LYST: variants seen among roughly 807,000 people sequenced by gnomAD.
The protein encoded by LYST is lysosomal trafficking regulator, also known as lysosomal-trafficking regulator.
A neutral mutation model predicts 413.6 loss-of-function variants in LYST; 192 were observed. That is an observed-to-expected ratio of 0.46 (90% confidence interval 0.41 to 0.52). The LOEUF (loss-of-function observed/expected upper bound fraction) is 0.52. LYST is among the 20% of genes least tolerant of loss of function. LYST has a pLI of 0.00. For missense variants in LYST, 3,815 were observed against 4,499.9 expected, an observed-to-expected ratio of 0.85 and a Z score of 4.35; for synonymous variants, 1,525 against 1,567.3, an observed-to-expected ratio of 0.97 and a Z score of 0.64.
At position 235,664,583 on chromosome 1, in the gene LYST, C is replaced by T. The variant is rs1333040453; in HGVS notation, c.11077G>A (p.Gly3693Arg). 8.7e-6 allele frequency: 14 copies of T among 1,614,112 alleles called. No individual in the cohort carries two copies. The highest frequency in any genetic ancestry group is 4.5e-5 in the East Asian group (2 of 44,880). The change falls in exon 51 of 53, where the codon GGG (glycine) becomes AGG (arginine). Residue 3693 changes from glycine (G) to arginine (R), a missense_variant. Transcript: ENST00000389793. This position sits in a 1 kb window ranked among gnomAD's most constrained non-coding sequence, Gnocchi z 4.5. The stretch of plus-strand genomic sequence containing the variant: ...CAGTGGACATGTCCAACGAGATCCC[C>T]GTTCACCGTCCAGAGTCTGAGGTCA... ...GSDLRLWTVN[G>R]DLVGHVHCRE...
intron 3 of LYST, among the ~76,000 whole-genome samples, chr1:235,825,337 A>G (rs1675210115): frequency 6.6e-6 from 1 of 152,220 alleles, no homozygotes; most frequent in Non-Finnish European, 1.5e-5. Flanking sequence ...CTTTTGTACT[A>G]GAAGCCAGTG....
At chr1:235,682,640 C>T (rs374130514) in intron 48 of LYST, among the ~76,000 whole-genome samples, 10 of 151,958 alleles carry the variant, frequency 6.6e-5, no homozygotes, top group Non-Finnish European at 1.3e-4. Context: ...GAAATGTAGT[C>T]GGATGAAAGA....
chr1:235,723,626 G>A (rs1037915049), intron 39 of LYST, among the ~76,000 whole-genome samples: 5 of 152,170 alleles, frequency 3.3e-5, no homozygotes, highest in African/African-American at 7.2e-5. Context: ...AGAGGTTACC[G>A]ATGACCCTGA....
rs970053788 is a variant in LYST, at chr1:235,787,289, T to C, written c.4773A>G (p.Lys1591=). Residue 1591 remains lysine (K), a synonymous_variant, in exon 14 of 53, where the codon AAA becomes AAG. Coordinates refer to ENST00000389793, the MANE Select transcript of LYST (RefSeq NM_000081.4). ...ESQENIFLPS[K]WQHLVLTYLQ... ...AGTAGGTGAGTACTAAATGTTGCCA[T>C]TTGCTTGGGAGGAAAATATTCTCCT... The C allele has an allele frequency of 1.9e-6, 3 of 1,613,534 alleles. No individual in the cohort carries two copies. Among genetic ancestry groups the C allele is most frequent in the Non-Finnish European group, 2.5e-6 (3 of 1,179,696 alleles).
At chr1:235,680,034 C>CAA (rs952797365) in intron 48 of LYST, among the ~76,000 whole-genome samples, 1 of 151,514 alleles carries the variant, frequency 6.6e-6, no homozygotes. Context: ...CACACACACA[C>CAA]AACTAAGACT....
chr1:235,729,988 A>AT (rs1306614490), intron 36 of LYST, among the ~76,000 whole-genome samples: 4 of 151,990 alleles, frequency 2.6e-5, no homozygotes, highest in Admixed American at 1.3e-4. Context: ...CTTCAGATAC[A>AT]TTTTTTGTGT....
rs1672862603 is a variant in LYST, at chr1:235,806,590, A to G, written c.2546T>C (p.Leu849Ser). 7 of 1,613,864 alleles carry G rather than the reference A, an allele frequency of 4.3e-6. No individual in the cohort carries two copies. Among genetic ancestry groups the G allele is most frequent in the South Asian group, 1.1e-5 (1 of 91,084 alleles). Residue 849 changes from leucine to serine, a missense_variant, in exon 6 of 53, where the codon TTG (leucine) becomes TCG (serine). Transcript: ENST00000389793. ...AGAAGTACCCACATGTACAGAGGAC[A>G]ACTCCTTCTGTTCAATGTCTATCCC... ...IDGIDIEQKE[L>S]SSVHVGTSFH...
At chr1:235,800,203 G>T in intron 10 of LYST, 117 bp downstream of exon 10, 1 of 708,622 alleles carries the variant, frequency 1.4e-6, no homozygotes, top group African/African-American at 1.8e-5. Flanking sequence ...TGCCACCTCA[G>T]CCTCCCAAAG....
chr1:235,802,685 T>TC (rs1441777428), intron 8 of LYST, among the ~76,000 whole-genome samples: 2 of 152,212 alleles, frequency 1.3e-5, no homozygotes, highest in African/African-American at 4.8e-5. Flanking sequence ...TGTCCTTCAC[T>TC]CCATGTTCTT....
chr1:235,703,542 G>A (rs900066991), intron 44 of LYST, among the ~76,000 whole-genome samples: 3 of 152,048 alleles, frequency 2.0e-5, no homozygotes, highest in Non-Finnish European at 2.9e-5. Context: ...TAAAGCTGGC[G>A]GTCAGTAATT....
rs796496578 is a variant in LYST at position 235,833,671 on chromosome 1, C to CA, written c.-97-5dup. 1,070 of 785,568 alleles carry CA rather than the reference C, an allele frequency of 1.4e-3. No homozygotes were observed. Among genetic ancestry groups the CA allele is most frequent in the Non-Finnish European group, 1.4e-3 (908 of 648,636 alleles). 48.7% of individuals were successfully genotyped at this position (785,568 alleles called of 1,614,324 possible). On this transcript the variant is annotated splice_region_variant and splice_polypyrimidine_tract_variant and intron_variant, in intron 1 of 52. Coordinates refer to ENST00000389793, the MANE Select transcript of LYST (RefSeq NM_000081.4). ...TATTCTTAGAACAAAGCTTCACCTA[C>CA]AAAAAAAAAGACATATTAATCACAA...
At chr1:235,738,567 C>A in intron 31 of LYST, 1 of 1,610,742 alleles carries the variant, frequency 6.2e-7, no homozygotes. Flanking sequence ...TGGGTGAGTC[C>A]TTGGGGAACA....
In LYST at chr1:235,781,803, C is replaced by G. The variant is rs1045213165; in HGVS notation, c.5023+124G>C. 11 of 690,666 alleles carry G rather than the reference C, an allele frequency of 1.6e-5. No individual in the cohort carries two copies. In the African/African-American group the frequency reaches 1.8e-4, roughly 11 times the overall value. 42.8% of individuals were successfully genotyped at this position (690,666 alleles called of 1,614,324 possible). ...AAAGGAACATAGATGGATATTTTAGCCAGGTTAATTTACTTAGTTTAATAT... is the reference window on the plus strand; with the variant it reads ...AAAGGAACATAGATGGATATTTTAGGCAGGTTAATTTACTTAGTTTAATAT... On this transcript the variant is annotated intron_variant, in intron 15 of 52. Transcript: ENST00000389793.
rs1672880606 is a variant in LYST at position 235,806,703 on chromosome 1, A to C, written c.2433T>G (p.Gly811=). Residue 811 remains glycine (G), a synonymous_variant, in exon 6 of 53, where the codon GGT becomes GGG. Coordinates refer to ENST00000389793, the MANE Select transcript of LYST (RefSeq NM_000081.4). The stretch of plus-strand genomic sequence containing the variant: ...ATGCTTTTAGAGAATGACTTCGAAT[A>C]CCATTTAAGCAATTTAATTCGATTA... ...SQIIELNCLN[G]IRSHSLKAFE... 1 of 1,613,250 alleles carries C rather than the reference A, an allele frequency of 6.2e-7. No individual in the cohort carries two copies. The highest frequency in any genetic ancestry group is 8.5e-7 in the Non-Finnish European group (1 of 1,179,220).
At chr1:235,798,605 A>G (rs1366473153) in intron 10 of LYST, among the ~76,000 whole-genome samples, 1 of 140,724 alleles carries the variant, frequency 7.1e-6, no homozygotes, top group African/African-American at 2.7e-5. Context: ...AAAAAAAAAA[A>G]AAAAAAAAAA....
At chr1:235,697,409 A>ATT in intron 45 of LYST, 137 bp from the exon 46 acceptor site, 1 of 641,700 alleles carries the variant, frequency 1.6e-6, no homozygotes. Context: ...TATTTTACGC[A>ATT]TTTTTTTTTA....
At chr1:235,808,344 G>T in intron 5 of LYST, 111 bp downstream of exon 5, 1 of 906,318 alleles carries the variant, frequency 1.1e-6, no homozygotes, top group Non-Finnish European at 1.7e-6. Context: ...AGATATCAGT[G>T]TTAGAAGTTT....
At chr1:235,673,325 T>A (rs1028951191) in intron 50 of LYST, among the ~76,000 whole-genome samples, 3 of 152,138 alleles carry the variant, frequency 2.0e-5, no homozygotes, top group African/African-American at 4.8e-5. Flanking sequence ...TGTTTTGTTA[T>A]ACCCTGCAGG....
chr1:235,719,786 T>C (rs1192700074), intron 40 of LYST, among the ~76,000 whole-genome samples: 1 of 151,818 alleles, frequency 6.6e-6, no homozygotes, highest in African/African-American at 2.4e-5. Context: ...TGGGAAGCAA[T>C]CAGAAAATAC....
Sources: gnomAD v4.1 joint callset for allele counts (sites outside exome capture counted in the v4.1 genomes callset) on GRCh38, gnomAD v4.1.1 for gene constraint, Gnocchi (gnomAD v3.1) non-coding constraint, MANE v1.5 for transcripts, NCBI Gene and HGNC (gene_info 2026-07-23, HGNC 2026-07-21) for gene names.